The following P3H2 variants were observed in gnomAD, a reference collection of about 807,000 sequenced individuals.
P3H2 encodes the protein prolyl 3-hydroxylase 2, also known as leprecan-like 1.
P3H2 carries 80 observed loss-of-function variants against 87.0 expected under a neutral mutation model. The ratio of observed to expected loss-of-function variants is 0.92; its 90% CI spans 0.77 to 1.11. The LOEUF (loss-of-function observed/expected upper bound fraction) is 1.11. Ranked by LOEUF, P3H2 falls within the 50% of genes least tolerant of loss-of-function variation. The pLI, the probability that P3H2 is intolerant of heterozygous loss-of-function variation, is 0.00. For missense variants in P3H2, 1,001 were observed against 923.9 expected (o/e 1.08, Z -1.08); for synonymous variants, 367 against 359.3 (o/e 1.02, Z -0.24).
chr3:190,002,944 CAT>C (rs1724261998), intron 1 of P3H2, among the ~76,000 whole-genome samples: 1 of 152,182 alleles, frequency 6.6e-6, no homozygotes. Context: ...TTGAAGAACA[CAT>C]GTTAATTCAC....
At chr3:189,962,583 G>A (rs1034119153) in intron 14 of P3H2, among the ~76,000 whole-genome samples, 17 of 152,298 alleles carry the variant, frequency 1.1e-4, no homozygotes, top group South Asian at 4.1e-4. Context: ...TTCTTACAGC[G>A]TATTTACTAG....
chr3:190,032,299 C>T (rs1159111983), intron 1 of P3H2, among the ~76,000 whole-genome samples: 1 of 151,998 alleles, frequency 6.6e-6, no homozygotes, highest in African/African-American at 2.4e-5. Context: ...AAAATGCTGA[C>T]TCATTCACTC....
chr3:190,028,786 C>T (rs1725164517), intron 1 of P3H2, among the ~76,000 whole-genome samples: 1 of 152,122 alleles, frequency 6.6e-6, no homozygotes, highest in African/African-American at 2.4e-5. Context: ...TGGAGACACT[C>T]TATGTTTTAC....
intron 1 of P3H2, among the ~76,000 whole-genome samples, chr3:190,014,891 G>T (rs78549276): frequency 6.6e-6 from 1 of 152,192 alleles, no homozygotes; most frequent in East Asian, 1.9e-4. Context: ...GACATCAGAA[G>T]AGAGGAATTC....
At position 190,084,159 on chromosome 3, in the gene P3H2, A is replaced by C. The variant is rs180934276; in HGVS notation, c.480+36093T>G. The stretch of plus-strand genomic sequence containing the variant: ...AATCTACACATCAAGTTAGGACTCA[A>C]ATGAGCTGATTATGTATATTGCATA... On this transcript the variant is annotated intron_variant, in intron 1 of 14. Coordinates refer to ENST00000319332, the MANE Select transcript of P3H2 (RefSeq NM_018192.4). Among the ~76,000 whole-genome samples the C allele has an allele frequency of 3.1e-3, 466 of 152,360 alleles. 1 individual carries two copies. The highest frequency in any genetic ancestry group is 0.011 in the African/African-American group (448 of 41,582).
intron 1 of P3H2, among the ~76,000 whole-genome samples, chr3:190,047,985 T>C (rs1342730611): frequency 1.3e-5 from 2 of 152,212 alleles, no homozygotes; most frequent in African/African-American, 4.8e-5. Context: ...CCTTTTTTTA[T>C]GTATACAGGT....
At chr3:190,116,156 G>C (rs1355827324) in intron 1 of P3H2, among the ~76,000 whole-genome samples, 1 of 152,158 alleles carries the variant, frequency 6.6e-6, no homozygotes, top group African/African-American at 2.4e-5. Flanking sequence ...TATACTTTTG[G>C]GAGTTGTAGA....
intron 1 of P3H2, among the ~76,000 whole-genome samples, chr3:190,117,499 C>T (rs1413630884): frequency 6.6e-6 from 1 of 152,116 alleles, no homozygotes; most frequent in African/African-American, 2.4e-5. Flanking sequence ...AACTGGATCA[C>T]TGATGTCAAA....
chr3:190,114,893 T>A (rs1712229795), intron 1 of P3H2, among the ~76,000 whole-genome samples: 1 of 152,236 alleles, frequency 6.6e-6, no homozygotes. Context: ...ATAATTTAAA[T>A]ATGAAATTCA....
intron 11 of P3H2, among the ~76,000 whole-genome samples, chr3:189,972,436 G>T (rs1180608255): frequency 1.3e-5 from 2 of 152,146 alleles, no homozygotes; most frequent in Non-Finnish European, 2.9e-5. Context: ...AGGGGCATAA[G>T]ACATAGAGGA....
intron 1 of P3H2, among the ~76,000 whole-genome samples, chr3:190,097,482 T>C (rs962710207): frequency 2.0e-5 from 3 of 152,192 alleles, no homozygotes; most frequent in African/African-American, 4.8e-5. Context: ...CCACCTGTTA[T>C]GACATGAAAA....
chr3:190,077,166 C>A (rs1726899073), intron 1 of P3H2, among the ~76,000 whole-genome samples: 1 of 152,232 alleles, frequency 6.6e-6, no homozygotes, highest in Non-Finnish European at 1.5e-5. Context: ...ATGTCAAACA[C>A]AAATTCCAGC....
At chr3:190,096,424 C>T (rs1004177121) in intron 1 of P3H2, among the ~76,000 whole-genome samples, 6 of 152,156 alleles carry the variant, frequency 3.9e-5, no homozygotes, top group African/African-American at 1.2e-4. Flanking sequence ...CACGGTAACA[C>T]GTGCTTGCTT....
intron 1 of P3H2, 86 bp from the exon 2 acceptor site, chr3:189,995,528 C>T: frequency 7.4e-7 from 1 of 1,346,898 alleles, no homozygotes; most frequent in Non-Finnish European, 1.0e-6. Context: ...CAAAATCTCA[C>T]AGTTTAAGAA....
At chr3:189,991,578 T>C (rs1399948498) in intron 3 of P3H2, among the ~76,000 whole-genome samples, 2 of 152,236 alleles carry the variant, frequency 1.3e-5, no homozygotes, top group African/African-American at 4.8e-5. Flanking sequence ...TCTTAGGCAC[T>C]GAAGATTGAG....
In P3H2 at chr3:189,988,975, C is replaced by G. The variant is rs766103977; in HGVS notation, c.887G>C (p.Gly296Ala). The change falls in exon 4 of 15, where the codon GGC becomes GCC. Residue 296 changes from glycine to alanine, a missense_variant. Transcript: ENST00000319332. Reference sequence around the variant, plus strand: ...AAAATTCTCGATGGGAGAGAGGCGGCCAGGGCGGGTGGCAAGTTCCCTCAC... The same window carrying G: ...AAAATTCTCGATGGGAGAGAGGCGGGCAGGGCGGGTGGCAAGTTCCCTCAC... ...ECVRELATRP[G>A]RLSPIENFLP... 2 of 1,614,032 alleles carry G rather than the reference C, an allele frequency of 1.2e-6. No homozygotes were observed. The highest frequency in any genetic ancestry group is 8.5e-7 in the Non-Finnish European group (1 of 1,179,992).
intron 1 of P3H2, among the ~76,000 whole-genome samples, chr3:190,073,363 C>T (rs957834542): frequency 1.3e-5 from 2 of 152,182 alleles, no homozygotes; most frequent in Non-Finnish European, 2.9e-5. Context: ...TGCTGTGATC[C>T]TTGAGTATCA....
At chr3:190,057,600 T>C (rs1388176991) in intron 1 of P3H2, among the ~76,000 whole-genome samples, 1 of 151,766 alleles carries the variant, frequency 6.6e-6, no homozygotes, top group Non-Finnish European at 1.5e-5. Context: ...TTTGGGATAA[T>C]GGTGTGGACG....
At chr3:190,079,560 A>C (rs1726980522) in intron 1 of P3H2, among the ~76,000 whole-genome samples, 1 of 152,032 alleles carries the variant, frequency 6.6e-6, no homozygotes, top group Admixed American at 6.6e-5. Flanking sequence ...ATGAAACCTT[A>C]TTTTCTTAAT....
Sources: gnomAD v4.1 joint callset for allele counts (sites outside exome capture counted in the v4.1 genomes callset) on GRCh38, gnomAD v4.1.1 for gene constraint, MANE v1.5 for transcripts, NCBI Gene and HGNC (gene_info 2026-07-23, HGNC 2026-07-21) for gene names.